Variants in OPCML observed in about 807,000 individuals in gnomAD.
OPCML encodes the protein opioid binding protein/cell adhesion molecule like.
Under a neutral mutation model 37.8 loss-of-function variants are expected in OPCML, and 13 were observed. The observed-to-expected ratio is 0.34, with a 90% CI of 0.22 to 0.55. The LOEUF (loss-of-function observed/expected upper bound fraction) is 0.55, where lower values mean the gene tolerates loss of function less well. Among genes scored for constraint, OPCML ranks in the 20% least tolerant of loss-of-function variants. The pLI is 0.91. For missense variants in OPCML, 341 were observed against 435.6 expected (o/e 0.78, Z 1.93); for synonymous variants, 176 against 168.8 (o/e 1.04, Z -0.33).
chr11:132,464,478 A>T (rs539874200), intron 4 of OPCML, among the ~76,000 whole-genome samples: 2 of 152,338 alleles, frequency 1.3e-5, no homozygotes, highest in South Asian at 4.1e-4. Flanking sequence ...TTCATGGCTT[A>T]ATCTCTAATG....
At chr11:133,458,487 T>A (rs145984897) in intron 1 of OPCML, among the ~76,000 whole-genome samples, 1 of 128,086 alleles carries the variant, frequency 7.8e-6, no homozygotes, top group African/African-American at 4.0e-5. Context: ...TATATACACA[T>A]ATATACACGT....
chr11:133,044,078 A>T (rs143603296), intron 1 of OPCML, among the ~76,000 whole-genome samples: 1 of 152,230 alleles, frequency 6.6e-6, no homozygotes, highest in Non-Finnish European at 1.5e-5. Context: ...TATCCTATGG[A>T]GAGGATCAGG....
chr11:132,626,388 A>G (rs1438691374), intron 3 of OPCML, among the ~76,000 whole-genome samples: 2 of 152,158 alleles, frequency 1.3e-5, no homozygotes, highest in African/African-American at 4.8e-5. Context: ...TGGACAAAAA[A>G]GAAAAAGTAA....
At chr11:133,452,979 A>G (rs1421098722) in intron 1 of OPCML, among the ~76,000 whole-genome samples, 2 of 148,294 alleles carry the variant, frequency 1.3e-5, no homozygotes, top group African/African-American at 5.3e-5. Flanking sequence ...TCTGTAGATT[A>G]ATGAAACATA....
At chr11:133,472,472 C>T (rs576743320) in intron 1 of OPCML, among the ~76,000 whole-genome samples, 4 of 151,976 alleles carry the variant, frequency 2.6e-5, no homozygotes, top group South Asian at 4.2e-4. Context: ...CCATCATGAA[C>T]GGAATAGCTC....
intron 4 of OPCML, among the ~76,000 whole-genome samples, chr11:132,469,709 T>C (rs111065729): frequency 0.01 from 1,330 of 127,216 alleles, 21 homozygotes; most frequent in African/African-American, 0.036. Flanking sequence ...TGTGTATGTG[T>C]GGAGGGGAGT....
At chr11:133,233,803 A>G (rs1940396742) in intron 1 of OPCML, among the ~76,000 whole-genome samples, 2 of 152,312 alleles carry the variant, frequency 1.3e-5, no homozygotes, top group South Asian at 4.1e-4. Flanking sequence ...TTTTGTCAGC[A>G]TCATCCATAG....
At chr11:133,422,195 G>A (rs937596007) in intron 1 of OPCML, 1 of 984,068 alleles carries the variant, frequency 1.0e-6, no homozygotes, top group Non-Finnish European at 1.2e-6. Flanking sequence ...GCAAACAAAG[G>A]GCTCTTCAGT....
chr11:132,587,131 G>C (rs1163246361), intron 3 of OPCML, among the ~76,000 whole-genome samples: 1 of 152,202 alleles, frequency 6.6e-6, no homozygotes, highest in African/African-American at 2.4e-5. Context: ...CAGACTTGAT[G>C]ATACTGGAGC....
chr11:133,513,600 C>G (rs1948203175), intron 1 of OPCML, among the ~76,000 whole-genome samples: 1 of 152,188 alleles, frequency 6.6e-6, no homozygotes, highest in Non-Finnish European at 1.5e-5. Flanking sequence ...ACTGCAGAGG[C>G]AGTACATTGT....
chr11:132,900,969 G>A (rs553762016), intron 2 of OPCML, among the ~76,000 whole-genome samples: 1 of 152,240 alleles, frequency 6.6e-6, no homozygotes, highest in East Asian at 1.9e-4. Flanking sequence ...AAGGCAGGCA[G>A]GAGTTCGAGA....
At chr11:133,096,709 T>C (rs182864546) in intron 1 of OPCML, among the ~76,000 whole-genome samples, 1 of 152,106 alleles carries the variant, frequency 6.6e-6, no homozygotes, top group East Asian at 1.9e-4. Flanking sequence ...TAACACTATT[T>C]AGAGGTAGTA....
At chr11:132,589,891 G>C (rs2096481513) in intron 3 of OPCML, among the ~76,000 whole-genome samples, 1 of 152,192 alleles carries the variant, frequency 6.6e-6, no homozygotes, top group Admixed American at 6.5e-5. Context: ...AACTAGTACA[G>C]TCTAAGCATC....
chr11:133,410,634 TAA>T (rs71038527), intron 1 of OPCML, among the ~76,000 whole-genome samples: 367 of 46,928 alleles, frequency 7.8e-3, no homozygotes, highest in Non-Finnish European at 0.013. Context: ...AGAAAAAAAG[TAA>T]AAAAAAAAAA....
At position 133,288,146 on chromosome 11, in the gene OPCML, C is replaced by T. The variant is rs534320436; in HGVS notation, c.61+244118G>A. On this transcript the variant is annotated intron_variant, in intron 1 of 7. Transcript: ENST00000524381. ...GAATGAAGGTGCTAAAGATGTGAGC[C>T]ACCATGAGGAATTCTCTCTGACCTC... Among the ~76,000 whole-genome samples, 5 of 152,276 alleles carry T rather than the reference C, an allele frequency of 3.3e-5. No individual in the cohort carries two copies. The East Asian group carries it at 9.7e-4, about 29-fold the overall frequency.
chr11:132,531,439 A>T (rs1433352797), intron 3 of OPCML, among the ~76,000 whole-genome samples: 1 of 152,228 alleles, frequency 6.6e-6, no homozygotes, highest in African/African-American at 2.4e-5. Flanking sequence ...ACCTGAGTTG[A>T]TGTCAAAGGA....
chr11:133,067,326 C>G (rs1180014128), intron 1 of OPCML: 1 of 152,170 alleles, frequency 6.6e-6, no homozygotes, highest in Non-Finnish European at 1.5e-5. Flanking sequence ...AATCCAGACT[C>G]CAGGCTCCTC....
intron 1 of OPCML, among the ~76,000 whole-genome samples, chr11:133,076,494 G>A (rs563626160): frequency 1.3e-5 from 2 of 152,294 alleles, no homozygotes; most frequent in South Asian, 2.1e-4. Flanking sequence ...TTCAAGAGGA[G>A]ATGTTATACA....
At chr11:133,518,825 G>GGTCCTGGTGT (rs1393869474) in intron 1 of OPCML, among the ~76,000 whole-genome samples, 63 of 152,020 alleles carry the variant, frequency 4.1e-4, no homozygotes, top group African/African-American at 1.3e-3. Flanking sequence ...AACAGTGGCA[G>GGTCCTGGTGT]GTTGGAAGAT....
Sources: gnomAD v4.1 joint callset for allele counts (sites outside exome capture counted in the v4.1 genomes callset) on GRCh38, gnomAD v4.1.1 for gene constraint, MANE v1.5 for transcripts, NCBI Gene and HGNC (gene_info 2026-07-23, HGNC 2026-07-21) for gene names.